Variants in TAFA1 observed in about 807,000 individuals in gnomAD.
TAFA1 encodes TAFA chemokine like family member 1.
Under a neutral mutation model 18.5 loss-of-function variants are expected in TAFA1, and 4 were observed. The ratio of observed to expected loss-of-function variants is 0.22; its 90% CI spans 0.11 to 0.49. TAFA1 has a LOEUF of 0.49. Ranked by LOEUF, TAFA1 falls within the 20% of genes least tolerant of loss-of-function variation. The pLI is 0.98. For missense variants in TAFA1, 147 were observed against 169.0 expected, an observed-to-expected ratio of 0.87 and a Z score of 0.72; for synonymous variants, 56 against 55.2, an observed-to-expected ratio of 1.01 and a Z score of -0.06.
intron 4 of TAFA1, 131 bp from the exon 5 acceptor site, chr3:68,544,355 G>T (rs567230296): frequency 8.8e-6 from 7 of 798,794 alleles, no homozygotes; most frequent in East Asian, 8.1e-5. Context: ...TAAGATTTTT[G>T]ACTTCAGATC....
At chr3:68,404,474 G>A (rs1009253170) in intron 2 of TAFA1, among the ~76,000 whole-genome samples, 1 of 152,106 alleles carries the variant, frequency 6.6e-6, no homozygotes, top group African/African-American at 2.4e-5. Flanking sequence ...TAACATCTAT[G>A]GAGTTGTGGG....
intron 2 of TAFA1, among the ~76,000 whole-genome samples, chr3:68,407,964 A>C (rs774353702): frequency 6.6e-6 from 1 of 152,198 alleles, no homozygotes; most frequent in Non-Finnish European, 1.5e-5. Context: ...TTACAGACAA[A>C]GACACTCAGA....
chr3:68,150,438 G>A (rs1575646705), intron 2 of TAFA1, among the ~76,000 whole-genome samples: 1 of 152,258 alleles, frequency 6.6e-6, no homozygotes, highest in Non-Finnish European at 1.5e-5. Context: ...AGGGCAGTTT[G>A]GAAATTAAGA....
chr3:68,214,561 C>T (rs563339683), intron 2 of TAFA1, among the ~76,000 whole-genome samples: 4 of 152,198 alleles, frequency 2.6e-5, no homozygotes, highest in South Asian at 2.1e-4. Context: ...TTCACACTCT[C>T]ATGCCGTTTC....
chr3:68,435,875 G>C (rs1388966171), intron 3 of TAFA1, among the ~76,000 whole-genome samples: 1 of 152,158 alleles, frequency 6.6e-6, no homozygotes, highest in East Asian at 1.9e-4. Context: ...AAATTAAAGA[G>C]TACGATTAAC....
At chr3:67,999,829 C>A (rs1270938890), upstream of TAFA1, among the ~76,000 whole-genome samples, 1 of 150,268 alleles carries the variant, frequency 6.7e-6, no homozygotes, top group Non-Finnish European at 1.5e-5. Context: ...AGTTTCTCAT[C>A]ACTCAGGCTG....
At chr3:68,501,839 G>A (rs1350160667) in intron 3 of TAFA1, among the ~76,000 whole-genome samples, 1 of 152,142 alleles carries the variant, frequency 6.6e-6, no homozygotes, top group African/African-American at 2.4e-5. Flanking sequence ...AGAAAGAGGA[G>A]GAGCAACTAG....
chr3:68,465,014 T>C (rs2071859330), intron 3 of TAFA1, among the ~76,000 whole-genome samples: 1 of 151,984 alleles, frequency 6.6e-6, no homozygotes, highest in South Asian at 2.1e-4. Context: ...GGAAGATGAG[T>C]CATGAAGTCC....
At chr3:68,525,971 G>T (rs1031135311) in intron 3 of TAFA1, among the ~76,000 whole-genome samples, 1 of 152,096 alleles carries the variant, frequency 6.6e-6, no homozygotes, top group Non-Finnish European at 1.5e-5. Flanking sequence ...CATGTTCTCA[G>T]TTGTGATTCA....
intron 2 of TAFA1, among the ~76,000 whole-genome samples, chr3:68,080,317 C>A (rs941519519): frequency 2.0e-5 from 3 of 151,862 alleles, no homozygotes; most frequent in South Asian, 4.2e-4. Context: ...ATTTACATTT[C>A]AAGTTAATAT....
At chr3:68,458,463 G>A (rs2071707534) in intron 3 of TAFA1, among the ~76,000 whole-genome samples, 1 of 152,164 alleles carries the variant, frequency 6.6e-6, no homozygotes, top group African/African-American at 2.4e-5. Context: ...CAGAATTGCA[G>A]CTTGTTTTTC....
At chr3:68,432,254 G>C (rs184880528) in intron 3 of TAFA1, among the ~76,000 whole-genome samples, 1 of 151,916 alleles carries the variant, frequency 6.6e-6, no homozygotes, top group East Asian at 1.9e-4. Context: ...GTCCTTAAAC[G>C]TATTACCCTC....
chr3:68,134,732 G>A (rs531113305), intron 2 of TAFA1, among the ~76,000 whole-genome samples: 20 of 152,256 alleles, frequency 1.3e-4, no homozygotes, highest in Admixed American at 7.2e-4. Context: ...AATTCTAGAT[G>A]CTGGGGAGAT....
At chr3:68,397,300 G>C (rs1236930637) in intron 2 of TAFA1, among the ~76,000 whole-genome samples, 1 of 151,792 alleles carries the variant, frequency 6.6e-6, no homozygotes, top group East Asian at 1.9e-4. Flanking sequence ...TCCTAATGCT[G>C]TCCCTCCCCT....
At chr3:68,119,052 G>GTT (rs899543761) in intron 2 of TAFA1, among the ~76,000 whole-genome samples, 2 of 145,882 alleles carry the variant, frequency 1.4e-5, no homozygotes, top group African/African-American at 5.0e-5. Context: ...TTTTTTTTGG[G>GTT]TTTTTTTTTT....
chr3:68,334,541 C>T (rs1048734850), intron 2 of TAFA1, among the ~76,000 whole-genome samples: 1 of 152,042 alleles, frequency 6.6e-6, no homozygotes, highest in African/African-American at 2.4e-5. Context: ...TAATACAAAT[C>T]ATGTGGTGAT....
chr3:68,224,224 G>A (rs1336059695), intron 2 of TAFA1, among the ~76,000 whole-genome samples: 1 of 152,026 alleles, frequency 6.6e-6, no homozygotes. Context: ...ATCCTTATAA[G>A]ATAGAATAAG....
At chr3:68,275,673 A>G (rs1353452525) in intron 2 of TAFA1, among the ~76,000 whole-genome samples, 1 of 152,132 alleles carries the variant, frequency 6.6e-6, no homozygotes, top group African/African-American at 2.4e-5. Context: ...ATTTGAACGG[A>G]GACCTGAATG....
chr3:68,477,329 C>T (rs957493236), intron 3 of TAFA1, among the ~76,000 whole-genome samples: 19 of 152,050 alleles, frequency 1.2e-4, no homozygotes, highest in South Asian at 2.1e-4. Flanking sequence ...TTTTGATGGG[C>T]ATTCAAGTAG....
Sources: gnomAD v4.1 joint callset for allele counts (sites outside exome capture counted in the v4.1 genomes callset) on GRCh38, gnomAD v4.1.1 for gene constraint, MANE v1.5 for transcripts, NCBI Gene and HGNC (gene_info 2026-07-23, HGNC 2026-07-21) for gene names.